SCARA5: variants seen among roughly 807,000 people sequenced by gnomAD.
The protein encoded by SCARA5 is scavenger receptor class A member 5.
A neutral mutation model predicts 46.3 loss-of-function variants in SCARA5; 45 were observed. That is an observed-to-expected ratio of 0.97 (90% CI 0.76 to 1.24). The LOEUF is 1.24. Among genes scored for constraint, SCARA5 ranks in the 50% most tolerant of loss-of-function variants. The pLI, the probability that SCARA5 is intolerant of heterozygous loss-of-function variation, is 0.00. For synonymous variants in SCARA5, 333 were observed against 306.5 expected, an observed-to-expected ratio of 1.09 and a Z score of -0.90; for missense variants, 680 against 689.0, an observed-to-expected ratio of 0.99 and a Z score of 0.15.
intron 2 of SCARA5, among the ~76,000 whole-genome samples, chr8:27,986,173 A>G (rs1330580822): frequency 6.6e-6 from 1 of 152,224 alleles, no homozygotes; most frequent in East Asian, 1.9e-4. Flanking sequence ...GCATGGGACC[A>G]GAACCCCAGG....
intron 2 of SCARA5, among the ~76,000 whole-genome samples, chr8:27,981,634 ACT>A (rs1490508943): frequency 6.6e-6 from 1 of 151,960 alleles, no homozygotes; most frequent in Non-Finnish European, 1.5e-5. Context: ...GGACAACACA[ACT>A]CGTGTGTGCA....
Position 27,871,624 on chromosome 8 carries a change from G to A in SCARA5, c.*310C>T. On this transcript the variant is annotated 3_prime_UTR_variant, in exon 9 of 9. Coordinates refer to ENST00000354914, the MANE Select transcript of SCARA5 (RefSeq NM_173833.6). Reference sequence around the variant, plus strand: ...TGTAACTAAAAGGCCAAAGGGAACTGGGATATTGAGGCCTGGTGCATGGTG... The same window carrying A: ...TGTAACTAAAAGGCCAAAGGGAACTAGGATATTGAGGCCTGGTGCATGGTG... The A allele has an allele frequency of 2.4e-6, 3 of 1,246,406 alleles. No individual in the cohort carries two copies. The highest frequency in any genetic ancestry group is 3.0e-6 in the Non-Finnish European group (3 of 986,576). 77.2% of individuals were successfully genotyped at this position (1,246,406 alleles called of 1,614,324 possible).
intron 7 of SCARA5, among the ~76,000 whole-genome samples, chr8:27,890,298 AAACCAT>A (rs1455970340): frequency 6.6e-6 from 1 of 152,246 alleles, no homozygotes; most frequent in African/African-American, 2.4e-5. Flanking sequence ...TTTCAGTAAC[AAACCAT>A]AATACAGAGA....
chr8:27,979,577 G>A (rs1198915043), intron 2 of SCARA5, among the ~76,000 whole-genome samples: 4 of 149,960 alleles, frequency 2.7e-5, no homozygotes, highest in East Asian at 2.0e-4. Flanking sequence ...TTTTTGAGAC[G>A]GAGTTGTACT....
At chr8:27,897,947 G>A (rs936055763) in intron 7 of SCARA5, among the ~76,000 whole-genome samples, 2 of 152,224 alleles carry the variant, frequency 1.3e-5, no homozygotes, top group Non-Finnish European at 2.9e-5. Context: ...TGACCTCTTA[G>A]GATTCCCAAG....
chr8:27,870,681 T>G lies in SCARA5; in HGVS notation c.*1253A>C, dbSNP rs1329787423. The G allele has an allele frequency of 6.6e-6, 1 of 152,140 alleles. No homozygotes were observed. Among genetic ancestry groups the G allele is most frequent in the Non-Finnish European group, 1.5e-5 (1 of 68,044 alleles). 9.4% of individuals were successfully genotyped at this position (152,140 alleles called of 1,614,324 possible). ...CTCATGTAAAAAGCAGAACACGATCTCCCTGTCTCTAGGAGGAGGGTGCAG... is the reference window on the plus strand; with the variant it reads ...CTCATGTAAAAAGCAGAACACGATCGCCCTGTCTCTAGGAGGAGGGTGCAG... On this transcript the variant is annotated 3_prime_UTR_variant, in exon 9 of 9. Coordinates refer to ENST00000354914, the MANE Select transcript of SCARA5 (RefSeq NM_173833.6).
At chr8:27,912,087 T>C (rs919548083) in intron 4 of SCARA5, among the ~76,000 whole-genome samples, 1 of 152,184 alleles carries the variant, frequency 6.6e-6, no homozygotes, top group East Asian at 1.9e-4. Flanking sequence ...GATTTCAGAC[T>C]TCGAGTCTCC....
At chr8:27,932,683 C>T (rs924403716) in intron 3 of SCARA5, among the ~76,000 whole-genome samples, 2 of 152,204 alleles carry the variant, frequency 1.3e-5, no homozygotes, top group Admixed American at 6.5e-5. Context: ...GGCTGGAGGG[C>T]AATGGCGCAA....
At chr8:27,922,458 C>G (rs1450426169) in intron 3 of SCARA5, among the ~76,000 whole-genome samples, 8 of 152,136 alleles carry the variant, frequency 5.3e-5, no homozygotes, top group Non-Finnish European at 1.0e-4. Flanking sequence ...GATTACCTGG[C>G]TAGGTGTCTC....
intron 7 of SCARA5, among the ~76,000 whole-genome samples, chr8:27,885,736 C>T (rs1806885074): frequency 6.6e-6 from 1 of 152,154 alleles, no homozygotes; most frequent in South Asian, 2.1e-4. Flanking sequence ...GGATTCTGGA[C>T]CCAGAGCTCA....
intron 7 of SCARA5, among the ~76,000 whole-genome samples, chr8:27,903,020 G>A (rs1807184314): frequency 6.6e-6 from 1 of 152,196 alleles, no homozygotes; most frequent in African/African-American, 2.4e-5. Context: ...CACCTGCCTT[G>A]CTCCTATTTG....
rs565209327 is a variant in SCARA5, at chr8:27,871,584, T to A, written c.*350A>T. 296 of 1,129,118 alleles carry A rather than the reference T, an allele frequency of 2.6e-4. No homozygotes were observed. The African/African-American group carries it at 4.0e-3, about 15-fold the overall frequency. 69.9% of individuals were successfully genotyped at this position (1,129,118 alleles called of 1,614,324 possible). A position where few individuals can be genotyped will look rare whatever the true frequency, so the allele number is the denominator to read the frequency against. ...TGCTGCTGCACTTGTCTCTGACACA[T>A]TCTCAGCATTCACCTGTAACTAAAA... On this transcript the variant is annotated 3_prime_UTR_variant, in exon 9 of 9. Transcript: ENST00000354914.
intron 2 of SCARA5, among the ~76,000 whole-genome samples, chr8:27,986,507 CA>C (rs1465751243): frequency 6.6e-6 from 1 of 152,096 alleles, no homozygotes; most frequent in East Asian, 1.9e-4. Flanking sequence ...ATATGTTTGT[CA>C]ATTGGAATCC....
At chr8:27,945,994 A>C (rs1224751401) in intron 3 of SCARA5, among the ~76,000 whole-genome samples, 1 of 152,260 alleles carries the variant, frequency 6.6e-6, no homozygotes. Flanking sequence ...TTTGGCAAAA[A>C]GTATCAATAG....
intron 1 of SCARA5, among the ~76,000 whole-genome samples, chr8:27,991,732 A>T (rs577430614): frequency 0.024 from 3,650 of 152,304 alleles, 68 homozygotes; most frequent in South Asian, 0.077. Context: ...TTCCTCCTCT[A>T]ACTGTACTTA....
chr8:27,971,615 T>A (rs929053355), intron 2 of SCARA5, among the ~76,000 whole-genome samples: 1 of 152,120 alleles, frequency 6.6e-6, no homozygotes, highest in Non-Finnish European at 1.5e-5. Flanking sequence ...TCAAACAGAC[T>A]CATGGGAAAG....
chr8:27,950,412 T>C (rs1365621950), intron 3 of SCARA5, among the ~76,000 whole-genome samples: 1 of 73,602 alleles, frequency 1.4e-5, no homozygotes, highest in African/African-American at 3.9e-5. Flanking sequence ...ATGCCCGTGC[T>C]TGGGGGGCAT....
chr8:27,931,569 G>A (rs1427289813), intron 3 of SCARA5, among the ~76,000 whole-genome samples: 8 of 152,216 alleles, frequency 5.3e-5, no homozygotes, highest in Non-Finnish European at 2.9e-5. Flanking sequence ...GAGTGTCCCT[G>A]TACCTGAGAA....
intron 7 of SCARA5, among the ~76,000 whole-genome samples, chr8:27,887,800 A>T (rs1806921195): frequency 6.6e-6 from 1 of 152,228 alleles, no homozygotes; most frequent in South Asian, 2.1e-4. Flanking sequence ...AGTATCTTCA[A>T]GGGAAATTCT....
Sources: gnomAD v4.1 joint callset for allele counts (sites outside exome capture counted in the v4.1 genomes callset) on GRCh38, gnomAD v4.1.1 for gene constraint, MANE v1.5 for transcripts, NCBI Gene and HGNC (gene_info 2026-07-23, HGNC 2026-07-21) for gene names.